Variants in CDH13 observed in about 807,000 individuals in gnomAD.
CDH13 encodes cadherin 13, also known as cadherin-13.
CDH13 carries 24 observed loss-of-function variants against 63.8 expected under a neutral mutation model. The observed-to-expected ratio is 0.38, with a 90% confidence interval of 0.27 to 0.53. CDH13 has a LOEUF of 0.53. CDH13 is among the 20% of genes least tolerant of loss of function. The probability of loss-of-function intolerance (pLI) is 0.85; values close to 1 mark genes in which losing one functional copy is unlikely to be tolerated. For synonymous variants in CDH13, 503 were observed against 355.3 expected, an observed-to-expected ratio of 1.42 and a Z score of -4.67; for missense variants, 1,049 against 903.1, an observed-to-expected ratio of 1.16 and a Z score of -2.07.
At chr16:82,714,180 C>G (rs1163603345) in intron 1 of CDH13, among the ~76,000 whole-genome samples, 1 of 152,144 alleles carries the variant, frequency 6.6e-6, no homozygotes. Context: ...ATAAAGGCAG[C>G]TTCTCTGCTC....
intron 4 of CDH13, among the ~76,000 whole-genome samples, chr16:83,138,538 A>G (rs998424078): frequency 1.3e-5 from 2 of 152,144 alleles, no homozygotes; most frequent in Non-Finnish European, 1.5e-5. Flanking sequence ...GTCTGTCCAG[A>G]GAGGTGAGAA....
At chr16:83,729,698 A>G (rs1910825782) in intron 10 of CDH13, among the ~76,000 whole-genome samples, 2 of 152,212 alleles carry the variant, frequency 1.3e-5, no homozygotes, top group African/African-American at 4.8e-5. Context: ...AAATAAGCTG[A>G]CCCATGTAAA....
intron 10 of CDH13, among the ~76,000 whole-genome samples, chr16:83,719,140 A>G (rs780547375): frequency 5.3e-5 from 8 of 152,186 alleles, no homozygotes; most frequent in Non-Finnish European, 1.5e-5. Context: ...TCTCTTTCAG[A>G]CAAATTATTG....
intron 3 of CDH13, among the ~76,000 whole-genome samples, chr16:83,075,757 G>A (rs73598127): frequency 0.034 from 5,227 of 152,250 alleles, 289 homozygotes; most frequent in African/African-American, 0.12. Flanking sequence ...TTTGACTTGT[G>A]CTTTGTGATC....
intron 6 of CDH13, among the ~76,000 whole-genome samples, chr16:83,400,542 A>G (rs902985496): frequency 2.0e-5 from 3 of 152,200 alleles, no homozygotes; most frequent in Non-Finnish European, 2.9e-5. Context: ...CTTTCAAGAC[A>G]TAGTAGGTTG....
chr16:83,699,259 T>A (rs559858691), intron 10 of CDH13, among the ~76,000 whole-genome samples: 4 of 152,334 alleles, frequency 2.6e-5, no homozygotes, highest in African/African-American at 9.6e-5. Flanking sequence ...ATATTCAAAA[T>A]AGCACCAGTT....
intron 2 of CDH13, among the ~76,000 whole-genome samples, chr16:83,006,928 GTTTGTTTT>G (rs1466163853): frequency 7.0e-5 from 9 of 128,078 alleles, no homozygotes; most frequent in African/African-American, 2.3e-4. Context: ...TTGTTTGTTT[GTTTGTTTT>G]TTTTGAGACA....
At chr16:82,657,645 C>T (rs986439154) in intron 1 of CDH13, among the ~76,000 whole-genome samples, 15 of 152,320 alleles carry the variant, frequency 9.8e-5, no homozygotes, top group African/African-American at 3.4e-4. Context: ...TTCATGTACA[C>T]AGTTTGCTAG....
rs371955164 is a variant in CDH13 at position 82,697,348 on chromosome 16, C to A, written c.45+70211C>A. On this transcript the variant is annotated intron_variant, in intron 1 of 13. Transcript: ENST00000567109. Reference sequence around the variant, plus strand: ...TCCATCTGAAGAGAACAAGATGAGGCTTTGTCACTCTCACCCCAGACTATC... The same window carrying A: ...TCCATCTGAAGAGAACAAGATGAGGATTTGTCACTCTCACCCCAGACTATC... 1.4e-3 allele frequency among the ~76,000 whole-genome samples: 205 copies of A among 150,194 alleles called. 6 individuals carry two copies. In the South Asian group the frequency reaches 0.041, roughly 30 times the overall value.
At chr16:82,698,295 G>C (rs1415716964) in intron 1 of CDH13, among the ~76,000 whole-genome samples, 2 of 152,216 alleles carry the variant, frequency 1.3e-5, no homozygotes, top group Admixed American at 6.5e-5. Context: ...GGTGAAAGCT[G>C]GTTGGGATTG....
At chr16:82,805,537 G>T (rs1275333987) in intron 1 of CDH13, among the ~76,000 whole-genome samples, 2 of 152,170 alleles carry the variant, frequency 1.3e-5, no homozygotes, top group Non-Finnish European at 2.9e-5. Context: ...GGAACTGCGG[G>T]CAGGGCCAAT....
chr16:83,171,762 G>T (rs893353229), intron 4 of CDH13, among the ~76,000 whole-genome samples: 1 of 152,062 alleles, frequency 6.6e-6, no homozygotes, highest in Non-Finnish European at 1.5e-5. Flanking sequence ...ATGTTTTCAG[G>T]TAGTATTGTA....
chr16:82,886,966 C>A (rs1160860388), intron 2 of CDH13, among the ~76,000 whole-genome samples: 1 of 152,130 alleles, frequency 6.6e-6, no homozygotes, highest in Non-Finnish European at 1.5e-5. Flanking sequence ...TATGTCTTTT[C>A]TTGATGTGTG....
chr16:82,714,766 G>GTGA (rs2032237349), intron 1 of CDH13, among the ~76,000 whole-genome samples: 1 of 141,468 alleles, frequency 7.1e-6, no homozygotes, highest in South Asian at 2.6e-4. Flanking sequence ...GAGAACTTGT[G>GTGA]TGATGATGGA....
intron 1 of CDH13, among the ~76,000 whole-genome samples, chr16:82,766,969 T>C (rs1034588080): frequency 1.3e-5 from 2 of 152,226 alleles, no homozygotes; most frequent in African/African-American, 4.8e-5. Context: ...ACCGTTACCA[T>C]TTAATCCACG....
intron 1 of CDH13, among the ~76,000 whole-genome samples, chr16:82,785,661 T>C (rs867796564): frequency 1.3e-5 from 2 of 152,232 alleles, no homozygotes; most frequent in Non-Finnish European, 2.9e-5. Context: ...AAACCACCCA[T>C]GGATTCCTAA....
chr16:83,495,255 A>G (rs2074108628), intron 7 of CDH13, among the ~76,000 whole-genome samples: 1 of 152,218 alleles, frequency 6.6e-6, no homozygotes, highest in Non-Finnish European at 1.5e-5. Flanking sequence ...AAAATGTACA[A>G]TGGTTCGGTC....
chr16:83,230,570 G>T (rs756522145), intron 5 of CDH13, among the ~76,000 whole-genome samples: 1 of 152,186 alleles, frequency 6.6e-6, no homozygotes, highest in South Asian at 2.1e-4. Context: ...AAGATCACCT[G>T]AGGTCAGGAG....
chr16:83,567,088 A>G (rs894175551), intron 7 of CDH13, among the ~76,000 whole-genome samples: 1 of 152,104 alleles, frequency 6.6e-6, no homozygotes, highest in African/African-American at 2.4e-5. Flanking sequence ...TTTGCCATCC[A>G]GCCAACCCCT....
Sources: gnomAD v4.1 joint callset for allele counts (sites outside exome capture counted in the v4.1 genomes callset) on GRCh38, gnomAD v4.1.1 for gene constraint, MANE v1.5 for transcripts, NCBI Gene and HGNC (gene_info 2026-07-23, HGNC 2026-07-21) for gene names.